PDE9A: variants seen among roughly 807,000 people sequenced by gnomAD.
PDE9A encodes the protein phosphodiesterase 9A.
A neutral mutation model predicts 87.4 loss-of-function variants in PDE9A; 60 were observed. The observed-to-expected ratio is 0.69, with a 90% CI of 0.56 to 0.85. PDE9A has a LOEUF of 0.85. Among genes scored for constraint, PDE9A ranks in the 40% least tolerant of loss-of-function variants. The probability of loss-of-function intolerance (pLI) is 0.00; values close to 1 mark genes in which losing one functional copy is unlikely to be tolerated. For synonymous variants in PDE9A, 272 were observed against 279.4 expected (o/e 0.97, Z 0.27); for missense variants, 665 against 779.0 (o/e 0.85, Z 1.74).
chr21:42,664,087 G>C (rs2057794215), intron 1 of PDE9A, among the ~76,000 whole-genome samples: 1 of 152,232 alleles, frequency 6.6e-6, no homozygotes, highest in African/African-American at 2.4e-5. Context: ...GCTTCTCGAG[G>C]CATCTCCAGC....
intron 3 of PDE9A, among the ~76,000 whole-genome samples, chr21:42,688,464 A>C (rs950398482): frequency 6.6e-6 from 1 of 152,228 alleles, no homozygotes; most frequent in African/African-American, 2.4e-5. Context: ...AGGCCCAGGA[A>C]GTCAAGAGGA....
At chr21:42,667,466 C>G (rs1307016368) in intron 1 of PDE9A, among the ~76,000 whole-genome samples, 1 of 152,052 alleles carries the variant, frequency 6.6e-6, no homozygotes, top group Non-Finnish European at 1.5e-5. Flanking sequence ...TGAATAGAAA[C>G]ACACCCCTCC....
intron 3 of PDE9A, among the ~76,000 whole-genome samples, chr21:42,690,384 G>T (rs1016602747): frequency 6.6e-6 from 1 of 152,080 alleles, no homozygotes; most frequent in South Asian, 2.1e-4. Flanking sequence ...ATGTGGAAAT[G>T]GATCTAGACA....
At chr21:42,670,399 C>T (rs1461763859) in intron 1 of PDE9A, among the ~76,000 whole-genome samples, 1 of 124,744 alleles carries the variant, frequency 8.0e-6, no homozygotes, top group Non-Finnish European at 1.6e-5. Context: ...CATTCACAAA[C>T]ATTCACACAT....
At chr21:42,721,270 T>A (rs2050499270) in intron 4 of PDE9A, among the ~76,000 whole-genome samples, 1 of 152,024 alleles carries the variant, frequency 6.6e-6, no homozygotes. Context: ...TCTCTGAAAA[T>A]GAAAGGGAAA....
At chr21:42,714,008 TC>T (rs1282909378) in intron 4 of PDE9A, among the ~76,000 whole-genome samples, 33 of 145,568 alleles carry the variant, frequency 2.3e-4, no homozygotes, top group African/African-American at 6.5e-4. Flanking sequence ...ACTTTTTTTT[TC>T]ATTCCAATTT....
intron 1 of PDE9A, among the ~76,000 whole-genome samples, chr21:42,662,306 G>C (rs1012910653): frequency 6.6e-6 from 1 of 151,948 alleles, no homozygotes; most frequent in African/African-American, 2.4e-5. Flanking sequence ...TGCGTGAAGG[G>C]CCAGCTCACC....
chr21:42,723,874 C>T lies in PDE9A; in HGVS notation c.263-7896C>T, dbSNP rs2146614467. 1.3e-5 allele frequency among the ~76,000 whole-genome samples: 2 copies of T among 152,306 alleles called. No homozygotes were observed. The highest frequency in any genetic ancestry group is 4.1e-4 in the South Asian group (2 of 4,822). The stretch of plus-strand genomic sequence containing the variant: ...AGGCCATTGCTGGGTTTTCTTAAAA[C>T]TATTAAGACACTATCAACGTGAAAT... On this transcript the variant is annotated intron_variant, in intron 4 of 19. Coordinates refer to ENST00000291539, the MANE Select transcript of PDE9A (RefSeq NM_002606.3). The surrounding 1 kb of genome is among the most constrained non-coding windows in gnomAD (Gnocchi z 4.3).
Position 42,743,831 on chromosome 21 carries a change from G to T in PDE9A, c.624G>T (p.Met208Ile). 6.3e-7 allele frequency: 1 copy of T among 1,588,924 alleles called. No homozygotes were observed. Among genetic ancestry groups the T allele is most frequent in the East Asian group, 2.3e-5 (1 of 43,468 alleles). The change falls in exon 8 of 20, where the codon ATG (methionine) becomes ATT (isoleucine). Residue 208 changes from methionine (M) to isoleucine (I), a missense_variant. Met to Ile is a conservative substitution (Grantham distance 10, BLOSUM62 1). Coordinates refer to ENST00000291539, the MANE Select transcript of PDE9A (RefSeq NM_002606.3). ...IEKCKSDIKK[M>I]REELAARSSR... ...AATGCAAGAGTGACATTAAGAAGAT[G>T]AGGGAGGAGCTGGCGGCCAGAAGCA...
intron 4 of PDE9A, among the ~76,000 whole-genome samples, chr21:42,716,345 C>T (rs939422595): frequency 1.3e-5 from 2 of 151,890 alleles, no homozygotes; most frequent in African/African-American, 2.4e-5. Flanking sequence ...TTTTGCATTC[C>T]CAGCAGCAAT....
rs755435213 is a variant in PDE9A at position 42,770,688 on chromosome 21, G to C, written c.1591-15G>C. On this transcript the variant is annotated splice_polypyrimidine_tract_variant and intron_variant, in intron 17 of 19. Coordinates refer to ENST00000291539, the MANE Select transcript of PDE9A (RefSeq NM_002606.3). ...AGAACGAGGGACTCTGAATAAATCC[G>C]TGTGTCTCTCCCAGCTCTTCCCCAT... 6.3e-7 allele frequency: 1 copy of C among 1,597,900 alleles called. No individual in the cohort carries two copies. The highest frequency in any genetic ancestry group is 2.2e-5 in the East Asian group (1 of 44,800).
intron 8 of PDE9A, among the ~76,000 whole-genome samples, chr21:42,745,186 C>T (rs1349060742): frequency 1.3e-5 from 2 of 152,156 alleles, no homozygotes; most frequent in Admixed American, 6.5e-5. Flanking sequence ...GGAAAGCCGA[C>T]GGGCCTCATC....
intron 16 of PDE9A, 181 bp downstream of exon 16, chr21:42,768,473 A>G: frequency 8.7e-7 from 1 of 1,151,228 alleles, no homozygotes; most frequent in Non-Finnish European, 1.2e-6. Flanking sequence ...ATAATTTGAG[A>G]CCTGAAAGAC....
At chr21:42,744,584 G>A (rs1443190917) in intron 8 of PDE9A, among the ~76,000 whole-genome samples, 8 of 152,168 alleles carry the variant, frequency 5.3e-5, no homozygotes, top group African/African-American at 1.2e-4. Flanking sequence ...GCATTCCAGC[G>A]AGGGCTTCAG....
intron 1 of PDE9A, among the ~76,000 whole-genome samples, chr21:42,655,171 C>A (rs1268085844): frequency 6.7e-6 from 1 of 150,184 alleles, no homozygotes; most frequent in Non-Finnish European, 1.5e-5. Flanking sequence ...CACACACGTG[C>A]ATACACACAC....
intron 9 of PDE9A, among the ~76,000 whole-genome samples, chr21:42,752,457 C>T (rs991747635): frequency 6.6e-6 from 1 of 152,130 alleles, no homozygotes; most frequent in South Asian, 2.1e-4. Flanking sequence ...TTAGTAGAGA[C>T]GGTGTTTCAC....
intron 1 of PDE9A, among the ~76,000 whole-genome samples, chr21:42,685,934 C>T (rs879519255): frequency 6.6e-6 from 1 of 152,156 alleles, no homozygotes; most frequent in Non-Finnish European, 1.5e-5. Context: ...AACCATGTCA[C>T]GGACAGGCGT....
intron 3 of PDE9A, among the ~76,000 whole-genome samples, chr21:42,693,779 A>T (rs1245247834): frequency 1.3e-5 from 2 of 150,770 alleles, no homozygotes; most frequent in Non-Finnish European, 2.9e-5. Flanking sequence ...TTTAGTAAAG[A>T]TGGGGTTTCT....
chr21:42,773,539 G>A (rs1351049279), intron 19 of PDE9A, among the ~76,000 whole-genome samples: 1 of 152,196 alleles, frequency 6.6e-6, no homozygotes, highest in Non-Finnish European at 1.5e-5. Flanking sequence ...CAGGCACGGT[G>A]GCTCACGCCT....
Sources: gnomAD v4.1 joint callset for allele counts (sites outside exome capture counted in the v4.1 genomes callset) on GRCh38, gnomAD v4.1.1 for gene constraint, Gnocchi (gnomAD v3.1) non-coding constraint, MANE v1.5 for transcripts, NCBI Gene and HGNC (gene_info 2026-07-23, HGNC 2026-07-21) for gene names.